Variants in HECW1 observed in about 807,000 individuals in gnomAD.
The protein encoded by HECW1 is E3 ubiquitin-protein ligase HECW1.
HECW1 carries 61 observed loss-of-function variants against 182.3 expected under a neutral mutation model. The observed-to-expected ratio is 0.33, with a 90% CI of 0.27 to 0.41. The LOEUF (loss-of-function observed/expected upper bound fraction) is 0.41, where lower values mean the gene tolerates loss of function less well. Among genes scored for constraint, HECW1 ranks in the 10% least tolerant of loss-of-function variants. The pLI, the probability that HECW1 is intolerant of heterozygous loss-of-function variation, is 1.00. For synonymous variants in HECW1, 859 were observed against 832.6 expected (o/e 1.03, Z -0.55); for missense variants, 1,739 against 2,108.9 (o/e 0.82, Z 3.44).
intron 19 of HECW1, among the ~76,000 whole-genome samples, chr7:43,495,908 G>C (rs967187380): frequency 1.3e-5 from 2 of 152,122 alleles, no homozygotes; most frequent in Admixed American, 6.6e-5. Context: ...CCATTAAGTA[G>C]TGAGTTCACT....
chr7:43,210,253 C>T (rs535430613), intron 2 of HECW1, among the ~76,000 whole-genome samples: 1 of 152,106 alleles, frequency 6.6e-6, no homozygotes, highest in South Asian at 2.1e-4. Flanking sequence ...GTTGTCACTG[C>T]CCAAAACGAA....
At chr7:43,395,656 A>G (rs2075203109) in intron 6 of HECW1, among the ~76,000 whole-genome samples, 2 of 152,190 alleles carry the variant, frequency 1.3e-5, no homozygotes, top group Non-Finnish European at 2.9e-5. Flanking sequence ...GATGCACATC[A>G]CATTTGGGCT....
rs199755723 is a variant in HECW1, at chr7:43,184,020, AT to A, written c.-31-59844del. Among the ~76,000 whole-genome samples the A allele has an allele frequency of 3.9e-4, 59 of 149,874 alleles. 1 individual carries two copies. The highest frequency in any genetic ancestry group is 7.9e-4 in the Admixed American group (12 of 15,104). ...TGCCAATTCTTTTATTATTATTATT[AT>A]TTTTTTTTTTGAGACAAAGTCTCGC... On this transcript the variant is annotated intron_variant, in intron 2 of 29. Transcript: ENST00000395891.
chr7:43,236,391 G>A (rs1001135307), intron 2 of HECW1, among the ~76,000 whole-genome samples: 1 of 152,186 alleles, frequency 6.6e-6, no homozygotes, highest in African/African-American at 2.4e-5. Context: ...AATTTAGAAA[G>A]TTTCTTTTGG....
chr7:43,434,262 A>T (rs751229387), intron 8 of HECW1, among the ~76,000 whole-genome samples: 3 of 152,238 alleles, frequency 2.0e-5, no homozygotes, highest in African/African-American at 7.2e-5. Flanking sequence ...AACTTAAGAA[A>T]GTTCAATAAC....
intron 5 of HECW1, among the ~76,000 whole-genome samples, chr7:43,358,818 C>CTTTTTTTTT (rs572118397): frequency 4.3e-5 from 4 of 93,456 alleles, no homozygotes; most frequent in African/African-American, 8.1e-5. Context: ...AAAATATATT[C>CTTTTTTTTT]TTTTTTTTTT....
intron 2 of HECW1, among the ~76,000 whole-genome samples, chr7:43,202,896 A>G (rs1171841668): frequency 6.6e-6 from 1 of 151,700 alleles, no homozygotes; most frequent in Non-Finnish European, 1.5e-5. Context: ...GCACCTTGTG[A>G]CCCCCACCCC....
chr7:43,253,949 T>C (rs1800301492), intron 3 of HECW1, among the ~76,000 whole-genome samples: 1 of 151,954 alleles, frequency 6.6e-6, no homozygotes, highest in African/African-American at 2.4e-5. Flanking sequence ...ATCACATGAA[T>C]ACATTCATTT....
rs1244053847 is a variant in HECW1, at chr7:43,564,480, T to C, written c.*2554T>C. The C allele has an allele frequency of 5.3e-6, 1 of 188,440 alleles. No homozygotes were observed. The highest frequency in any genetic ancestry group is 1.1e-5 in the Non-Finnish European group (1 of 89,380). 11.7% of individuals were successfully genotyped at this position (188,440 alleles called of 1,614,324 possible). A position where few individuals can be genotyped will look rare whatever the true frequency, so the allele number is the denominator to read the frequency against. ...ATAGGTAACTTTGGCATACATGATTTTTCAACTACCGTTTCCTTATCCACC... is the reference window on the plus strand; with the variant it reads ...ATAGGTAACTTTGGCATACATGATTCTTCAACTACCGTTTCCTTATCCACC... On this transcript the variant is annotated 3_prime_UTR_variant, in exon 30 of 30. Transcript: ENST00000395891.
intron 5 of HECW1, among the ~76,000 whole-genome samples, chr7:43,336,361 G>A (rs571416522): frequency 2.6e-5 from 4 of 151,814 alleles, no homozygotes; most frequent in African/African-American, 7.3e-5. Flanking sequence ...TAGAGATGGG[G>A]TCTTACTATG....
intron 2 of HECW1, among the ~76,000 whole-genome samples, chr7:43,134,210 A>G (rs987866458): frequency 2.0e-5 from 3 of 151,984 alleles, no homozygotes; most frequent in Non-Finnish European, 4.4e-5. Context: ...CCTGGCCAAC[A>G]TGATGAAACC....
intron 24 of HECW1, 75 bp from the exon 25 acceptor site, chr7:43,541,088 A>G: frequency 2.5e-6 from 3 of 1,200,424 alleles, no homozygotes; most frequent in Non-Finnish European, 3.7e-6. Context: ...AAACACATCA[A>G]ATAAAAGTGC....
intron 6 of HECW1, among the ~76,000 whole-genome samples, chr7:43,384,001 A>T (rs918667462): frequency 1.3e-5 from 2 of 152,194 alleles, no homozygotes. Flanking sequence ...TACATTGAGT[A>T]GACTGAGGAG....
At position 43,319,775 on chromosome 7, in the gene HECW1, A is replaced by AT. The variant is rs10604163; in HGVS notation, c.353-843dup. Among the ~76,000 whole-genome samples, 333 of 105,498 alleles carry AT rather than the reference A, an allele frequency of 3.2e-3. 5 individuals carry two copies. Among genetic ancestry groups the AT allele is most frequent in the Middle Eastern group, 0.015 (3 of 194 alleles). The allele number at this position is 105,498 out of a possible 152,430, so 69.2% of individuals were successfully genotyped here. ...CCACCACGCCTGGCTAATTTTTGTA[A>AT]TTTTTTTTTTTTTTTTTGGTAGAGA... is the stretch of plus-strand genomic sequence containing the variant. On this transcript the variant is annotated intron_variant, in intron 4 of 29. Transcript: ENST00000395891.
intron 3 of HECW1, among the ~76,000 whole-genome samples, chr7:43,280,833 C>T (rs2152747576): frequency 6.6e-6 from 1 of 152,238 alleles, no homozygotes; most frequent in South Asian, 2.1e-4. Context: ...GACAATAACA[C>T]TCTTGCTCAC....
chr7:43,513,218 A>T (rs890736905), intron 24 of HECW1, among the ~76,000 whole-genome samples: 1 of 152,166 alleles, frequency 6.6e-6, no homozygotes, highest in Non-Finnish European at 1.5e-5. Context: ...TTTCTGTATT[A>T]TCTGTGGTTT....
intron 29 of HECW1, among the ~76,000 whole-genome samples, chr7:43,557,043 C>T (rs1210523895): frequency 1.3e-5 from 2 of 151,774 alleles, no homozygotes; most frequent in Non-Finnish European, 2.9e-5. Context: ...TGAATAGTGA[C>T]CCCTGTCCAA....
At chr7:43,321,261 C>T (rs1810081627) in intron 5 of HECW1, among the ~76,000 whole-genome samples, 1 of 152,066 alleles carries the variant, frequency 6.6e-6, no homozygotes, top group Non-Finnish European at 1.5e-5. Flanking sequence ...CAGCCTGTTT[C>T]TTTGATTTTT....
intron 9 of HECW1, among the ~76,000 whole-genome samples, 199 bp from the exon 10 acceptor site, chr7:43,442,330 G>C (rs948911176): frequency 1.3e-5 from 2 of 152,170 alleles, no homozygotes; most frequent in Non-Finnish European, 2.9e-5. Context: ...CTTTTGATGA[G>C]TTTATTGGGT....
Sources: gnomAD v4.1 joint callset for allele counts (sites outside exome capture counted in the v4.1 genomes callset) on GRCh38, gnomAD v4.1.1 for gene constraint, MANE v1.5 for transcripts, NCBI Gene and HGNC (gene_info 2026-07-23, HGNC 2026-07-21) for gene names.